Variants in CSNK1G3 observed in about 807,000 individuals in gnomAD.
CSNK1G3 encodes casein kinase I isoform gamma-3.
CSNK1G3 carries 23 observed loss-of-function variants against 64.3 expected under a neutral mutation model. The observed-to-expected ratio is 0.36, with a 90% CI of 0.26 to 0.51. The LOEUF is 0.51. Among genes scored for constraint, CSNK1G3 ranks in the 20% least tolerant of loss-of-function variants. The probability of loss-of-function intolerance (pLI) is 0.96; values close to 1 mark genes in which losing one functional copy is unlikely to be tolerated. For missense variants in CSNK1G3, 357 were observed against 510.5 expected (o/e 0.70, Z 2.90); for synonymous variants, 158 against 162.2 (o/e 0.97, Z 0.20).
intron 6 of CSNK1G3, among the ~76,000 whole-genome samples, chr5:123,581,678 TTTTCC>T (rs1262086766): frequency 6.6e-6 from 1 of 150,908 alleles, no homozygotes; most frequent in Admixed American, 6.6e-5. Context: ...TGTTTTGTTC[TTTTCC>T]TTTTTAGGTT....
At chr5:123,586,604 G>C (rs1317362085) in intron 6 of CSNK1G3, among the ~76,000 whole-genome samples, 1 of 152,156 alleles carries the variant, frequency 6.6e-6, no homozygotes, top group East Asian at 1.9e-4. Flanking sequence ...TGCGAAATGG[G>C]AAGTTGAAAT....
exon 11 of CSNK1G3, chr5:123,604,747 G>A (rs1274605297): frequency 2.5e-6 from 4 of 1,611,124 alleles, no homozygotes; most frequent in Admixed American, 1.7e-5. Flanking sequence ...CAAATGGAGA[G>A]TTAAACACAG....
intron 12 of CSNK1G3, among the ~76,000 whole-genome samples, chr5:123,612,179 C>G (rs544907611): frequency 6.6e-6 from 1 of 152,188 alleles, no homozygotes; most frequent in African/African-American, 2.4e-5. Flanking sequence ...TCAGCTGGTC[C>G]ACAATTTTAA....
chr5:123,587,353 A>G (rs1007940762), intron 6 of CSNK1G3, among the ~76,000 whole-genome samples: 1 of 152,218 alleles, frequency 6.6e-6, no homozygotes, highest in African/African-American at 2.4e-5. Context: ...AAGAAATCTT[A>G]AGTATTTAAC....
chr5:123,521,051 C>T (rs1308722896), intron 1 of CSNK1G3, among the ~76,000 whole-genome samples: 1 of 152,014 alleles, frequency 6.6e-6, no homozygotes. Flanking sequence ...TTTATGACTA[C>T]AGGACCTTTT....
intron 6 of CSNK1G3, among the ~76,000 whole-genome samples, chr5:123,577,718 G>GT (rs796615235): frequency 3.5e-4 from 51 of 146,910 alleles, no homozygotes; most frequent in East Asian, 5.9e-4. Flanking sequence ...TTATTGAAGA[G>GT]TTTTTTTTTT....
intron 10 of CSNK1G3, among the ~76,000 whole-genome samples, chr5:123,593,070 G>A (rs148157404): frequency 6.6e-6 from 1 of 151,908 alleles, no homozygotes; most frequent in Admixed American, 6.6e-5. Context: ...TAAATCTAAT[G>A]TTTTAGACTT....
chr5:123,578,363 C>T (rs1231235027), intron 6 of CSNK1G3, among the ~76,000 whole-genome samples: 1 of 151,694 alleles, frequency 6.6e-6, no homozygotes, highest in African/African-American at 2.4e-5. Context: ...ATTCTAGTGG[C>T]CAAGGGGTAG....
intron 6 of CSNK1G3, among the ~76,000 whole-genome samples, chr5:123,581,337 T>G (rs559427781): frequency 4.9e-4 from 73 of 148,484 alleles, no homozygotes; most frequent in African/African-American, 1.8e-3. Context: ...TTGTAATAGA[T>G]TCTCTTTTTG....
intron 2 of CSNK1G3, among the ~76,000 whole-genome samples, chr5:123,551,834 T>C (rs1257217698): frequency 6.6e-6 from 1 of 152,202 alleles, no homozygotes; most frequent in Non-Finnish European, 1.5e-5. Flanking sequence ...TTCCTCACTA[T>C]AAAAGTAATA....
At chr5:123,606,010 A>G (rs10519731) in intron 12 of CSNK1G3, among the ~76,000 whole-genome samples, 15,541 of 152,130 alleles carry the variant, frequency 0.1, 1,084 homozygotes, top group Non-Finnish European at 0.15. Flanking sequence ...TTCAGGACAA[A>G]TTTTGAGTCA....
intron 12 of CSNK1G3, among the ~76,000 whole-genome samples, chr5:123,611,643 A>T (rs1259433218): frequency 2.0e-5 from 3 of 152,364 alleles, no homozygotes; most frequent in Non-Finnish European, 4.4e-5. Context: ...TGTGTATTAC[A>T]TTAAATTGCC....
At chr5:123,514,549 G>A (rs1776802875) in intron 1 of CSNK1G3, among the ~76,000 whole-genome samples, 1 of 152,164 alleles carries the variant, frequency 6.6e-6, no homozygotes, top group Non-Finnish European at 1.5e-5. Flanking sequence ...ATACACAGAG[G>A]TAATTCACAG....
intron 3 of CSNK1G3, 36 bp downstream of exon 3, chr5:123,553,183 CTT>C (rs1281481065): frequency 9.1e-7 from 1 of 1,097,964 alleles, no homozygotes. Flanking sequence ...TTAATGATTT[CTT>C]TGTTACTTTT....
chr5:123,606,744 TGTTTA>T (rs2151183775), intron 12 of CSNK1G3, among the ~76,000 whole-genome samples: 1 of 152,298 alleles, frequency 6.6e-6, no homozygotes, highest in East Asian at 1.9e-4. Context: ...GGCTGTTCTG[TGTTTA>T]CATCCTCCTG....
At chr5:123,595,926 A>C (rs1286756851) in intron 10 of CSNK1G3, among the ~76,000 whole-genome samples, 1 of 152,122 alleles carries the variant, frequency 6.6e-6, no homozygotes, top group Non-Finnish European at 1.5e-5. Context: ...AGTAAGTGAG[A>C]TAACAAATGT....
intron 1 of CSNK1G3, among the ~76,000 whole-genome samples, chr5:123,537,645 G>T (rs114739853): frequency 6.6e-6 from 1 of 152,122 alleles, no homozygotes; most frequent in African/African-American, 2.4e-5. Context: ...GATGAAACAC[G>T]CAGTTTTTTA....
At chr5:123,548,324 T>C (rs928794289) in intron 2 of CSNK1G3, among the ~76,000 whole-genome samples, 1 of 151,944 alleles carries the variant, frequency 6.6e-6, no homozygotes, top group African/African-American at 2.4e-5. Context: ...CCAGGTGTGA[T>C]GGTGTATGCC....
At chr5:123,562,500 G>A (rs1785956058) in intron 4 of CSNK1G3, among the ~76,000 whole-genome samples, 1 of 151,994 alleles carries the variant, frequency 6.6e-6, no homozygotes, top group South Asian at 2.1e-4. Flanking sequence ...TTCATTAGAT[G>A]TGAAGTTGGG....
Sources: allele counts gnomAD v4.1 joint callset (sites outside exome capture counted in the v4.1 genomes callset), GRCh38; gene constraint gnomAD v4.1.1; transcripts MANE v1.5; gene names NCBI Gene and HGNC (gene_info 2026-07-23, HGNC 2026-07-21).